PCDH15: variants seen among roughly 807,000 people sequenced by gnomAD.
PCDH15 encodes the protein protocadherin-15.
PCDH15 carries 129 observed loss-of-function variants against 178.5 expected under a neutral mutation model. The observed-to-expected ratio is 0.72, with a 90% CI of 0.63 to 0.84. The LOEUF is 0.84. PCDH15 is among the 40% of genes least tolerant of loss of function. The pLI, the probability that PCDH15 is intolerant of heterozygous loss-of-function variation, is 0.00. For missense variants in PCDH15, 2,230 were observed against 2,099.9 expected, an observed-to-expected ratio of 1.06 and a Z score of -1.21; for synonymous variants, 800 against 732.0, an observed-to-expected ratio of 1.09 and a Z score of -1.50.
intron 8 of PCDH15, among the ~76,000 whole-genome samples, chr10:54,240,460 A>C (rs2055126886): frequency 1.3e-5 from 2 of 151,974 alleles, no homozygotes; most frequent in African/African-American, 4.8e-5. Flanking sequence ...TAGTATCCTT[A>C]TAATGAACCT....
At chr10:53,958,357 T>C (rs1315935938) in intron 23 of PCDH15, among the ~76,000 whole-genome samples, 3 of 152,184 alleles carry the variant, frequency 2.0e-5, no homozygotes, top group Admixed American at 1.3e-4. Context: ...TATCCATCTA[T>C]ATCTTTTTGG....
At chr10:54,533,343 G>A (rs375218712) in intron 2 of PCDH15, among the ~76,000 whole-genome samples, 6 of 152,062 alleles carry the variant, frequency 3.9e-5, no homozygotes, top group East Asian at 3.9e-4. Flanking sequence ...CTAAAGATAA[G>A]GTCATTGGTG....
chr10:55,015,805 G>C (rs1840160124), intron 2 of PCDH15, among the ~76,000 whole-genome samples: 1 of 152,034 alleles, frequency 6.6e-6, no homozygotes, highest in Non-Finnish European at 1.5e-5. Context: ...ACCTACCTTT[G>C]ATTTCAGCTT....
intron 2 of PCDH15, among the ~76,000 whole-genome samples, chr10:55,162,109 G>C (rs1839083445): frequency 6.6e-6 from 1 of 152,032 alleles, no homozygotes. Flanking sequence ...TATGATGCTG[G>C]ACTTAAATTA....
At chr10:54,923,010 CAGACTTCTGCCT>C (rs1344859204) in intron 2 of PCDH15, among the ~76,000 whole-genome samples, 1 of 150,510 alleles carries the variant, frequency 6.6e-6, no homozygotes, top group Non-Finnish European at 1.5e-5. Flanking sequence ...ACCCCTGCCA[CAGACTTCTGCCT>C]AGACACTCAA....
intron 32 of PCDH15, among the ~76,000 whole-genome samples, chr10:53,825,628 G>C (rs1421007272): frequency 6.6e-6 from 1 of 151,458 alleles, no homozygotes; most frequent in African/African-American, 2.4e-5. Context: ...GTTATCATAC[G>C]AAGTTATTAC....
At chr10:54,606,135 T>C (rs905492086) in intron 2 of PCDH15, 1 of 152,162 alleles carries the variant, frequency 6.6e-6, no homozygotes, top group African/African-American at 2.4e-5. Context: ...AATGCTTGAT[T>C]TGTAGTCTAA....
chr10:55,594,293 A>G (rs1842900050), intron 2 of PCDH15, among the ~76,000 whole-genome samples: 1 of 151,998 alleles, frequency 6.6e-6, no homozygotes, highest in Non-Finnish European at 1.5e-5. Context: ...ATGTAGACAG[A>G]GTGATAATAA....
At chr10:55,602,883 A>T (rs1843120901) in intron 2 of PCDH15, among the ~76,000 whole-genome samples, 1 of 152,218 alleles carries the variant, frequency 6.6e-6, no homozygotes, top group Admixed American at 6.5e-5. Flanking sequence ...ACAAAGCTGG[A>T]TGGAGAATGA....
At chr10:53,938,768 A>C in intron 25 of PCDH15, 47 bp downstream of exon 25, 1 of 1,590,754 alleles carries the variant, frequency 6.3e-7, no homozygotes, top group Non-Finnish European at 8.6e-7. Context: ...AAAAATTAGC[A>C]GAGACACCAT....
chr10:55,407,684 A>G (rs1449099014), intron 2 of PCDH15, among the ~76,000 whole-genome samples: 1 of 152,208 alleles, frequency 6.6e-6, no homozygotes, highest in African/African-American at 2.4e-5. Flanking sequence ...GTGCATGCAT[A>G]TATGCACATG....
chr10:54,386,102 GT>G (rs1439309988), intron 3 of PCDH15, among the ~76,000 whole-genome samples: 17 of 2,714 alleles, frequency 6.3e-3, no homozygotes, highest in African/African-American at 0.013. Flanking sequence ...GTTATTAGTT[GT>G]GTGTGTGTGT....
At chr10:54,067,956 A>ATT (rs147883423) in intron 17 of PCDH15, among the ~76,000 whole-genome samples, 2 of 151,236 alleles carry the variant, frequency 1.3e-5, no homozygotes, top group South Asian at 2.1e-4. Context: ...GAGTCAAGTG[A>ATT]TTTTTTTTAT....
At chr10:55,483,911 C>T (rs1840240229) in intron 2 of PCDH15, among the ~76,000 whole-genome samples, 2 of 151,326 alleles carry the variant, frequency 1.3e-5, no homozygotes, top group Non-Finnish European at 2.9e-5. Flanking sequence ...CCTAAATGTC[C>T]ATCAATGATT....
intron 8 of PCDH15, among the ~76,000 whole-genome samples, chr10:54,259,482 C>T (rs1321219689): frequency 3.3e-5 from 5 of 151,962 alleles, no homozygotes; most frequent in East Asian, 1.9e-4. Flanking sequence ...AAATATGTTA[C>T]AAGAAGAGAG....
chr10:54,840,759 C>T (rs1254819257), intron 3 of PCDH15, among the ~76,000 whole-genome samples: 2 of 151,508 alleles, frequency 1.3e-5, no homozygotes, highest in Non-Finnish European at 3.0e-5. Flanking sequence ...AAAATAGTAA[C>T]CAAGAGAGAG....
intron 2 of PCDH15, among the ~76,000 whole-genome samples, chr10:55,514,643 C>T (rs950671170): frequency 6.6e-5 from 10 of 152,176 alleles, no homozygotes; most frequent in Non-Finnish European, 1.2e-4. Flanking sequence ...TATCTAGATT[C>T]TTCTTGTCCT....
chr10:54,443,792 T>A (rs1478716932), intron 3 of PCDH15, among the ~76,000 whole-genome samples: 1 of 151,664 alleles, frequency 6.6e-6, no homozygotes, highest in East Asian at 1.9e-4. Context: ...TTATTGAGAG[T>A]CCTAATTAAT....
At chr10:55,595,442 T>TA (rs1281994777) in intron 2 of PCDH15, among the ~76,000 whole-genome samples, 4 of 152,026 alleles carry the variant, frequency 2.6e-5, no homozygotes, top group Non-Finnish European at 5.9e-5. Flanking sequence ...AGCTGCACAT[T>TA]AATAGAAACT....
Sources: gnomAD v4.1 joint callset for allele counts (sites outside exome capture counted in the v4.1 genomes callset) on GRCh38, gnomAD v4.1.1 for gene constraint, MANE v1.5 for transcripts, NCBI Gene and HGNC (gene_info 2026-07-23, HGNC 2026-07-21) for gene names.